The following MUC4 variants were observed in gnomAD, a reference collection of about 807,000 sequenced individuals.
MUC4 encodes mucin-4.
A neutral mutation model predicts 257.9 loss-of-function variants in MUC4; 202 were observed. That is an observed-to-expected ratio of 0.78 (90% CI 0.70 to 0.88). The LOEUF is 0.88. Among genes scored for constraint, MUC4 ranks in the 40% least tolerant of loss-of-function variants. MUC4 has a pLI of 0.00. For synonymous variants in MUC4, 2,351 were observed against 2,757.1 expected (o/e 0.85, Z 4.62); for missense variants, 5,976 against 6,513.7 (o/e 0.92, Z 2.84).
intron 24 of MUC4, 71 bp from the exon 25 acceptor site, chr3:195,747,451 G>C (rs1372446943): frequency 1.3e-6 from 2 of 1,510,752 alleles, no homozygotes; most frequent in Admixed American, 3.6e-5. Flanking sequence ...CTCTTCTGCT[G>C]GGGAAGAAGA....
chr3:195,767,585 T>TTAC (rs1721171624), intron 7 of MUC4, among the ~76,000 whole-genome samples: 1 of 58,742 alleles, frequency 1.7e-5, no homozygotes, highest in African/African-American at 9.3e-5. Context: ...ACCACCACCA[T>TTAC]CACCACCACC....
chr3:195,763,649 G>A lies in MUC4; in HGVS notation c.14045-8C>T, dbSNP rs750997933. ...GGTCCCCGAACATCCAGGCTGGAAG[G>A]AAAAAAGAGATGCTGCCTCAGCATG... On this transcript the variant is annotated splice_region_variant and splice_polypyrimidine_tract_variant and intron_variant, in intron 11 of 24. Transcript: ENST00000463781. 1.8e-4 allele frequency: 268 copies of A among 1,501,014 alleles called. No individual in the cohort carries two copies. The highest frequency in any genetic ancestry group is 3.5e-4 in the Middle Eastern group (2 of 5,652). 93.0% of individuals were successfully genotyped at this position (1,501,014 alleles called of 1,614,324 possible).
chr3:195,754,125 A>G (rs1161687346), intron 19 of MUC4, 88 bp downstream of exon 19: 3 of 1,452,118 alleles, frequency 2.1e-6, no homozygotes, highest in East Asian at 4.9e-5. Context: ...TGGAAAAAGG[A>G]GAGAAATGGT....
intron 18 of MUC4, among the ~76,000 whole-genome samples, chr3:195,754,889 GTATCCA>G (rs1367211006): frequency 6.6e-5 from 4 of 60,198 alleles, no homozygotes; most frequent in Non-Finnish European, 1.3e-4. Flanking sequence ...ATCCATGTAT[GTATCCA>G]TGTATGTATG....
Position 195,786,818 on chromosome 3 carries a change from T to G in MUC4, c.4762A>C (p.Thr1588Pro). ...CCTTTGGATGCTGAGGAAGTGTCGG[T>G]GACAGGAAGAGGGGTGGTGTGACCT... is the stretch of plus-strand genomic sequence containing the variant. ...STGHTTPLPV[T>P]DTSSASKGDT... The change falls in exon 2 of 25, where the codon ACC (threonine) becomes CCC (proline). Residue 1588 changes from threonine (T) to proline (P), a missense_variant. By Grantham distance (38) the Thr-to-Pro change is conservative. Coordinates refer to ENST00000463781, the MANE Select transcript of MUC4 (RefSeq NM_018406.7). 1 of 1,524,704 alleles carries G rather than the reference T, an allele frequency of 6.6e-7. No individual in the cohort carries two copies. Among genetic ancestry groups the G allele is most frequent in the Non-Finnish European group, 8.8e-7 (1 of 1,132,692 alleles). 94.4% of individuals were successfully genotyped at this position (1,524,704 alleles called of 1,614,324 possible).
chr3:195,776,285 C>A (rs1578157593), intron 3 of MUC4, among the ~76,000 whole-genome samples: 2 of 112,624 alleles, frequency 1.8e-5, no homozygotes, highest in Non-Finnish European at 3.6e-5. Context: ...CACACCCATA[C>A]CTTCCACACC....
intron 4 of MUC4, among the ~76,000 whole-genome samples, chr3:195,772,933 C>T (rs1451846269): frequency 1.6e-5 from 2 of 124,860 alleles, no homozygotes; most frequent in South Asian, 2.5e-4. Context: ...CTCTCTCCAT[C>T]GCTCAGGGGT....
rs1719523927 is a variant in MUC4, at chr3:195,762,849, A to G, written c.14344+6T>C. 3 of 1,550,976 alleles carry G rather than the reference A, an allele frequency of 1.9e-6. No homozygotes were observed. The highest frequency in any genetic ancestry group is 2.4e-5 in the East Asian group (1 of 40,960). ...GGGAGGGGGCGGCCGGCGCTCCCCA[A>G]CCTACCTCCGCCGTCTTCATGGTCA... On this transcript the variant is annotated splice_donor_region_variant and intron_variant, in intron 13 of 24. Coordinates refer to ENST00000463781, the MANE Select transcript of MUC4 (RefSeq NM_018406.7).
At chr3:195,764,904 G>C in intron 10 of MUC4, 93 bp downstream of exon 10, 2 of 1,517,928 alleles carry the variant, frequency 1.3e-6, no homozygotes, top group South Asian at 1.2e-5. Context: ...CCAGAGAGGG[G>C]AAGGGTCTGG....
Position 195,773,676 on chromosome 3 carries a change from G to T in MUC4, c.13077+496C>A, listed in dbSNP as rs2550249. On this transcript the variant is annotated intron_variant, in intron 4 of 24. Transcript: ENST00000463781. The stretch of plus-strand genomic sequence containing the variant: ...GCTCAGCAGGTGTGGACACCCTCTC[G>T]CCATCGCTCAGCAGGTGTGGACACC... Among the ~76,000 whole-genome samples, 44 of 43,706 alleles carry T rather than the reference G, an allele frequency of 1.0e-3. 2 individuals are homozygous for T. The highest frequency in any genetic ancestry group is 3.2e-3 in the South Asian group (3 of 940). The allele number at this position is 43,706 out of a possible 152,430, so 28.7% of individuals were successfully genotyped here. A position where few individuals can be genotyped will look rare whatever the true frequency, so the allele number is the denominator to read the frequency against.
intron 17 of MUC4, among the ~76,000 whole-genome samples, chr3:195,758,215 TC>T (rs1409818050): frequency 6.6e-6 from 1 of 152,128 alleles, no homozygotes; most frequent in Non-Finnish European, 1.5e-5. Flanking sequence ...GAAAGCAGCG[TC>T]CCTTGTGCTT....
chr3:195,772,494 CTCCCTT>C (rs1723169186), intron 4 of MUC4, among the ~76,000 whole-genome samples: 1 of 134,612 alleles, frequency 7.4e-6, no homozygotes, highest in Non-Finnish European at 1.6e-5. Context: ...TGTAGACACC[CTCCCTT>C]CATCGCTCAG....
At chr3:195,764,878 A>G in intron 10 of MUC4, 119 bp downstream of exon 10, 1 of 1,409,274 alleles carries the variant, frequency 7.1e-7, no homozygotes, top group South Asian at 1.3e-5. Context: ...ACGTTACCCG[A>G]TCAGGAAGTG....
chr3:195,769,507 G>T (rs112927388), intron 6 of MUC4: 45 of 249,014 alleles, frequency 1.8e-4, no homozygotes, highest in African/African-American at 8.9e-4. Context: ...GGCTTCATTA[G>T]CTCCCGCGCG....
At position 195,780,341 on chromosome 3, in the gene MUC4, C is replaced by A. The variant is rs746940366; in HGVS notation, c.11239G>T (p.Val3747Phe). The A allele has an allele frequency of 4.6e-6, 7 of 1,529,594 alleles. No homozygotes were observed. Among genetic ancestry groups the A allele is most frequent in the East Asian group, 2.5e-5 (1 of 40,694 alleles). 94.8% of individuals were successfully genotyped at this position (1,529,594 alleles called of 1,614,324 possible). A position where few individuals can be genotyped will look rare whatever the true frequency, so the allele number is the denominator to read the frequency against. ...ASTGHVTPLP[V>F]TSTSSASTGH... ...GTGGATGCTGAGGAAGTGCTGGTGA[C>A]AGGAAGAGGGGTGACGTGACCTGTG... The change falls in exon 2 of 25, where the codon GTC becomes TTC. Residue 3747 changes from valine to phenylalanine, a missense_variant. Coordinates refer to ENST00000463781, the MANE Select transcript of MUC4 (RefSeq NM_018406.7).
chr3:195,752,968 C>T lies in MUC4; in HGVS notation c.15508+83G>A, dbSNP rs866236016. 8.9e-6 allele frequency: 11 copies of T among 1,242,848 alleles called. No individual in the cohort carries two copies. The South Asian group carries it at 1.6e-4, about 18-fold the overall frequency. The allele number at this position is 1,242,848 out of a possible 1,614,324, so 77.0% of individuals were successfully genotyped here. A position where few individuals can be genotyped will look rare whatever the true frequency, so the allele number is the denominator to read the frequency against. On this transcript the variant is annotated intron_variant, in intron 20 of 24. Transcript: ENST00000463781. ...GTGACCCCAGAGCTTCCTCATCTTC[C>T]CCAAAGGTGGGCGGAGTGCGGGGGT...
rs200473856 is a variant in MUC4 at position 195,779,276 on chromosome 3, G to C, written c.12304C>G (p.Leu4102Val). The change falls in exon 2 of 25, where the codon CTT (leucine) becomes GTT (valine). Residue 4102 changes from leucine to valine, a missense_variant. Transcript: ENST00000463781. The part of the protein sequence containing the change: ...GHATPLPLTS[L>V]SSVSTGDTTP... Reference sequence around the variant, plus strand: ...GTGTCACCTGTGGATACTGAGGAAAGGCTGGTGAGAGGAAGAGGGGTGGCG... The same window carrying C: ...GTGTCACCTGTGGATACTGAGGAAACGCTGGTGAGAGGAAGAGGGGTGGCG... 4.5e-6 allele frequency: 5 copies of C among 1,119,524 alleles called. 1 individual carries two copies. The highest frequency in any genetic ancestry group is 5.9e-6 in the Non-Finnish European group (5 of 851,216). The allele number at this position is 1,119,524 out of a possible 1,614,324, so 69.3% of individuals were successfully genotyped here. A position where few individuals can be genotyped will look rare whatever the true frequency, so the allele number is the denominator to read the frequency against.
chr3:195,764,003 C>T lies in MUC4; in HGVS notation c.14044+42G>A, dbSNP rs957860721. 4 of 1,583,386 alleles carry T rather than the reference C, an allele frequency of 2.5e-6. No individual in the cohort carries two copies. In the African/African-American group the frequency reaches 5.4e-5, roughly 21 times the overall value. On this transcript the variant is annotated intron_variant, in intron 11 of 24. Coordinates refer to ENST00000463781, the MANE Select transcript of MUC4 (RefSeq NM_018406.7). ...ACCTCCCGGAAGCCCAGAAGCTCCCCCTCCCCAGAGGCTCTTCCTGGGCCT... is the reference window on the plus strand; with the variant it reads ...ACCTCCCGGAAGCCCAGAAGCTCCCTCTCCCCAGAGGCTCTTCCTGGGCCT...
intron 3 of MUC4, 118 bp from the exon 4 acceptor site, chr3:195,774,423 G>T (rs1186293952): frequency 1.6e-6 from 2 of 1,282,206 alleles, no homozygotes; most frequent in African/African-American, 1.5e-5. Flanking sequence ...TTCCCCGAGG[G>T]CCCCAGAGGC....
Sources: allele counts gnomAD v4.1 joint callset (sites outside exome capture counted in the v4.1 genomes callset), GRCh38; gene constraint gnomAD v4.1.1; transcripts MANE v1.5; gene names NCBI Gene and HGNC (gene_info 2026-07-23, HGNC 2026-07-21).